Variants in LBP observed in about 807,000 individuals in gnomAD.
LBP encodes the protein lipopolysaccharide binding protein, also known as lipopolysaccharide-binding protein.
In LBP, 53 loss-of-function variants were observed where a neutral mutation model predicts 56.6. The observed-to-expected ratio is 0.94, with a 90% CI of 0.75 to 1.18. The LOEUF is 1.18. Ranked by LOEUF, LBP falls within the 50% of genes most tolerant of loss-of-function variation. The probability of loss-of-function intolerance (pLI) is 0.00; values close to 1 mark genes in which losing one functional copy is unlikely to be tolerated. For synonymous variants in LBP, 227 were observed against 247.5 expected (o/e 0.92, Z 0.78); for missense variants, 601 against 598.3 (o/e 1.00, Z -0.05).
chr20:38,360,775 A>AC lies in LBP; in HGVS notation c.652+12dup, dbSNP rs2076857336. 2 of 1,596,390 alleles carry AC rather than the reference A, an allele frequency of 1.3e-6. No individual in the cohort carries two copies. Among genetic ancestry groups the AC allele is most frequent in the Non-Finnish European group, 1.7e-6 (2 of 1,164,272 alleles). ...ATCTCCAAACTCTGCCAGGTAGGAC[A>AC]CCCCATCCATCCCGGGACACTTTTA... On this transcript the variant is annotated intron_variant, in intron 6 of 14. Transcript: ENST00000217407.
intron 5 of LBP, among the ~76,000 whole-genome samples, chr20:38,355,852 A>G (rs1457269058): frequency 6.6e-6 from 1 of 152,016 alleles, no homozygotes; most frequent in African/African-American, 2.4e-5. Flanking sequence ...GGAGGCAGCA[A>G]CACTGTCAGA....
At chr20:38,353,714 C>A (rs1427195377) in intron 3 of LBP, among the ~76,000 whole-genome samples, 1 of 152,064 alleles carries the variant, frequency 6.6e-6, no homozygotes, top group Non-Finnish European at 1.5e-5. Flanking sequence ...TCTGTTTACT[C>A]GTACATTCAA....
chr20:38,362,029 G>A (rs2076861871), intron 6 of LBP, among the ~76,000 whole-genome samples: 2 of 150,558 alleles, frequency 1.3e-5, no homozygotes, highest in Admixed American at 1.3e-4. Flanking sequence ...GGGCGCGGTG[G>A]CTCACGCCTT....
chr20:38,362,503 C>T (rs2076864630), intron 6 of LBP, among the ~76,000 whole-genome samples: 1 of 151,270 alleles, frequency 6.6e-6, no homozygotes, highest in Non-Finnish European at 1.5e-5. Flanking sequence ...ATCCCAGCTA[C>T]TCGGGAGGCT....
At chr20:38,361,243 G>A (rs531036659) in intron 6 of LBP, among the ~76,000 whole-genome samples, 1 of 151,714 alleles carries the variant, frequency 6.6e-6, no homozygotes, top group Admixed American at 6.6e-5. Context: ...AGTAACTTCT[G>A]TTTTGGGTGT....
chr20:38,354,710 T>C (rs755821332), intron 4 of LBP, among the ~76,000 whole-genome samples: 3 of 151,832 alleles, frequency 2.0e-5, no homozygotes, highest in Non-Finnish European at 4.4e-5. Context: ...CACAGAAACT[T>C]TGGTTGAAGG....
At chr20:38,360,817 T>C in intron 6 of LBP, 50 bp downstream of exon 6, 6 of 1,350,568 alleles carry the variant, frequency 4.4e-6, no homozygotes, top group African/African-American at 1.4e-5. Flanking sequence ...TTAATTTCTA[T>C]AAGAGCATAT....
At chr20:38,354,845 C>T (rs747114259) in intron 4 of LBP, among the ~76,000 whole-genome samples, 11 of 152,066 alleles carry the variant, frequency 7.2e-5, no homozygotes, top group Non-Finnish European at 1.5e-4. Flanking sequence ...CAATTTGAGA[C>T]GCCAAGGCAG....
chr20:38,371,264 C>T lies in LBP; in HGVS notation c.1218-16C>T, dbSNP rs374246346. 2.5e-6 allele frequency: 4 copies of T among 1,609,144 alleles called. No individual in the cohort carries two copies. The highest frequency in any genetic ancestry group is 2.6e-6 in the Non-Finnish European group (3 of 1,176,176). ...CATAAAGCCCACACCTTTTAATCTT[C>T]TCTGATTCATTACAGGGTAAAAGTG... On this transcript the variant is annotated splice_polypyrimidine_tract_variant and intron_variant, in intron 11 of 14. Coordinates refer to ENST00000217407, the MANE Select transcript of LBP (RefSeq NM_004139.5).
At chr20:38,366,518 C>T (rs773149906) in intron 8 of LBP, among the ~76,000 whole-genome samples, 4 of 152,120 alleles carry the variant, frequency 2.6e-5, no homozygotes, top group African/African-American at 9.7e-5. Flanking sequence ...TCTGTGTGAC[C>T]GCAAACCTCA....
rs2076813156 is a variant in LBP, at chr20:38,349,582, G to C, written c.159G>C (p.Glu53Asp). The C allele has an allele frequency of 6.2e-7, 1 of 1,611,198 alleles. No homozygotes were observed. The highest frequency in any genetic ancestry group is 8.5e-7 in the Non-Finnish European group (1 of 1,179,006). Residue 53 changes from glutamate to aspartate, a missense_variant, in exon 2 of 15, where the codon GAG becomes GAC. Transcript: ENST00000217407. Reference sequence around the variant, plus strand: ...AGGGGCTATTAGCTCTGCAGAGTGAGCTGCTCAGGATCACGCTGCCTGACT... The same window carrying C: ...AGGGGCTATTAGCTCTGCAGAGTGACCTGCTCAGGATCACGCTGCCTGACT... The part of the protein sequence containing the change: ...AQEGLLALQS[E>D]LLRITLPDFT...
chr20:38,368,829 A>G (rs1309706803), intron 9 of LBP, among the ~76,000 whole-genome samples, 166 bp from the exon 10 acceptor site: 4 of 152,226 alleles, frequency 2.6e-5, no homozygotes, highest in Non-Finnish European at 5.9e-5. Context: ...TGTGTCTGAC[A>G]TGGAGAGATG....
In LBP at chr20:38,368,412, C is replaced by G. The variant is rs184836905; in HGVS notation, c.982-583C>G. On this transcript the variant is annotated intron_variant, in intron 9 of 14. Transcript: ENST00000217407. ...GTCAGGAGTTCAAGACCAGCCTGGC[C>G]AACATGGTGAAACCCCATCTCTACT... Among the ~76,000 whole-genome samples, 18 of 152,222 alleles carry G rather than the reference C, an allele frequency of 1.2e-4. No homozygotes were observed. In the East Asian group the frequency reaches 2.9e-3, roughly 25 times the overall value.
chr20:38,354,539 G>T, intron 4 of LBP, 100 bp downstream of exon 4: 1 of 1,078,484 alleles, frequency 9.3e-7, no homozygotes. Flanking sequence ...GATCCAGGTG[G>T]CTTGCACAGG....
At chr20:38,360,809 AATTTCT>A in intron 6 of LBP, 42 bp downstream of exon 6, 1 of 1,440,266 alleles carries the variant, frequency 6.9e-7, no homozygotes, top group East Asian at 2.3e-5. Flanking sequence ...TATTTCTGTT[AATTTCT>A]ATAAGAGCAT....
rs762662579 is a variant in LBP, at chr20:38,363,994, T to A, written c.672T>A (p.Ser224Arg). 3.1e-6 allele frequency: 5 copies of A among 1,613,734 alleles called. No homozygotes were observed. Among genetic ancestry groups the A allele is most frequent in the South Asian group, 1.1e-5 (1 of 91,080 alleles). ...QTLPVTTEID[S>R]FADIDYSLVE... is the part of the protein sequence containing the mutation. ...TCACAGTTACAACAGAGATTGACAG[T>A]TTCGCCGACATTGATTATAGCTTAG... The change falls in exon 7 of 15, where the codon AGT (serine) becomes AGA (arginine). Residue 224 changes from serine to arginine, a missense_variant. Coordinates refer to ENST00000217407, the MANE Select transcript of LBP (RefSeq NM_004139.5).
chr20:38,363,604 G>C (rs1331861716), intron 6 of LBP, among the ~76,000 whole-genome samples: 1 of 152,192 alleles, frequency 6.6e-6, no homozygotes, highest in Non-Finnish European at 1.5e-5. Context: ...TCAGGGTTTT[G>C]GAGGGGAGTG....
intron 5 of LBP, among the ~76,000 whole-genome samples, chr20:38,359,212 C>T (rs550076753): frequency 9.5e-4 from 145 of 151,844 alleles, no homozygotes; most frequent in Non-Finnish European, 1.5e-3. Context: ...TTTTGTTTTT[C>T]GTTTTTTTGG....
intron 3 of LBP, among the ~76,000 whole-genome samples, chr20:38,351,632 G>A (rs1401177294): frequency 6.6e-6 from 1 of 152,158 alleles, no homozygotes; most frequent in Non-Finnish European, 1.5e-5. Context: ...CAAGGTTTTG[G>A]CAGGCCTGGT....
Sources: allele counts gnomAD v4.1 joint callset (sites outside exome capture counted in the v4.1 genomes callset), GRCh38; gene constraint gnomAD v4.1.1; transcripts MANE v1.5; gene names NCBI Gene and HGNC (gene_info 2026-07-23, HGNC 2026-07-21).